The following ADCY9 variants were observed in gnomAD, a reference collection of about 807,000 sequenced individuals.
ADCY9 encodes the protein adenylate cyclase type 9.
A neutral mutation model predicts 101.5 loss-of-function variants in ADCY9; 50 were observed. The observed-to-expected ratio is 0.49, with a 90% CI of 0.39 to 0.62. The LOEUF (loss-of-function observed/expected upper bound fraction) is 0.62. ADCY9 is among the 20% of genes least tolerant of loss of function. The pLI is 0.00. For missense variants in ADCY9, 1,662 were observed against 1,800.4 expected (o/e 0.92, Z 1.39); for synonymous variants, 905 against 769.3 (o/e 1.18, Z -2.92).
chr16:4,089,592 G>C (rs1172376334), intron 2 of ADCY9, among the ~76,000 whole-genome samples: 1 of 151,998 alleles, frequency 6.6e-6, no homozygotes, highest in African/African-American at 2.4e-5. Flanking sequence ...CACAAACCCA[G>C]GAGTGGCATG....
chr16:4,006,899 A>T lies in ADCY9; in HGVS notation c.1884+469T>A, dbSNP rs544079120. 7.2e-5 allele frequency among the ~76,000 whole-genome samples: 11 copies of T among 152,288 alleles called. No individual in the cohort carries two copies. The East Asian group carries it at 2.1e-3, about 29-fold the overall frequency. On this transcript the variant is annotated intron_variant, in intron 3 of 10. Transcript: ENST00000294016. ...TTCTCGGCAGCCTGTCCTCTCAGTG[A>T]GCTGTGTCCTAGGATTCACCCACAC...
In ADCY9 at chr16:4,064,694, G is replaced by C. The variant is rs140942609; in HGVS notation, c.1693+49056C>G. Among the ~76,000 whole-genome samples the C allele has an allele frequency of 1.5e-3, 229 of 151,970 alleles. 1 individual carries two copies. The highest frequency in any genetic ancestry group is 5.2e-3 in the African/African-American group (217 of 41,436). ...GGGTCTCACCATGTTGCCCAGGCTG[G>C]TCTCAAACTCCTGGACTCAAGCAAT... On this transcript the variant is annotated intron_variant, in intron 2 of 10. Coordinates refer to ENST00000294016, the MANE Select transcript of ADCY9 (RefSeq NM_001116.4).
At chr16:4,103,691 G>A (rs541160455) in intron 2 of ADCY9, among the ~76,000 whole-genome samples, 8 of 152,294 alleles carry the variant, frequency 5.3e-5, no homozygotes, top group Admixed American at 3.9e-4. Flanking sequence ...TTAGCCGGGC[G>A]TGGTGGCACA....
At chr16:4,079,542 C>G (rs1040563691) in intron 2 of ADCY9, among the ~76,000 whole-genome samples, 1 of 152,064 alleles carries the variant, frequency 6.6e-6, no homozygotes, top group Non-Finnish European at 1.5e-5. Context: ...GCACTTCAGC[C>G]TGGATGACAG....
intron 2 of ADCY9, among the ~76,000 whole-genome samples, chr16:4,015,860 C>T (rs1033888687): frequency 4.0e-5 from 6 of 151,844 alleles, no homozygotes; most frequent in East Asian, 1.9e-4. Context: ...CCCAGCTACT[C>T]GGGAGGCTAA....
chr16:3,993,758 G>C (rs1176155607), intron 3 of ADCY9, among the ~76,000 whole-genome samples: 2 of 152,174 alleles, frequency 1.3e-5, no homozygotes, highest in African/African-American at 2.4e-5. Flanking sequence ...CTGAACAATG[G>C]ATCAACAAAC....
Position 3,992,118 on chromosome 16 carries a change from G to C in ADCY9, c.2207+28C>G. ...AGAGAGGCTTCTGCCTGCAACCTTT[G>C]CTTTTTCCCAGACAGCCCCAGTCGT... On this transcript the variant is annotated intron_variant, in intron 5 of 10. Transcript: ENST00000294016. This position sits in a 1 kb window ranked among gnomAD's most constrained non-coding sequence, Gnocchi z 4.2. The C allele has an allele frequency of 6.2e-7, 1 of 1,607,286 alleles. No individual in the cohort carries two copies. Among genetic ancestry groups the C allele is most frequent in the Non-Finnish European group, 8.5e-7 (1 of 1,174,594 alleles).
intron 2 of ADCY9, among the ~76,000 whole-genome samples, chr16:4,100,054 G>A (rs1481319959): frequency 6.6e-6 from 1 of 152,148 alleles, no homozygotes; most frequent in East Asian, 1.9e-4. Context: ...GGAGGGACCT[G>A]GTGGGAGGGG....
intron 3 of ADCY9, among the ~76,000 whole-genome samples, chr16:3,996,347 G>A (rs1321922993): frequency 1.3e-5 from 2 of 152,200 alleles, no homozygotes; most frequent in Admixed American, 1.3e-4. Context: ...GGGTGACAGA[G>A]CAAACCCATT....
At chr16:4,025,515 G>A (rs1185299075) in intron 2 of ADCY9, among the ~76,000 whole-genome samples, 4 of 152,230 alleles carry the variant, frequency 2.6e-5, no homozygotes, top group African/African-American at 7.2e-5. Context: ...TTTGGGCGGC[G>A]AAGAGCACAG....
intron 3 of ADCY9, among the ~76,000 whole-genome samples, chr16:4,006,926 A>G (rs2072338): frequency 0.089 from 13,486 of 152,190 alleles, 840 homozygotes; most frequent in East Asian, 0.3. Context: ...CACCCACACC[A>G]ACATCATTTC....
chr16:4,087,875 G>A (rs988710683), intron 2 of ADCY9, among the ~76,000 whole-genome samples: 1 of 141,716 alleles, frequency 7.1e-6, no homozygotes, highest in African/African-American at 2.9e-5. Context: ...CTTTGTTTCT[G>A]TCTCTCTCGC....
intron 2 of ADCY9, among the ~76,000 whole-genome samples, chr16:4,112,647 G>A (rs142796560): frequency 9.4e-4 from 143 of 151,922 alleles, no homozygotes; most frequent in African/African-American, 2.7e-3. Flanking sequence ...CCTTTCCTGA[G>A]GCTTTTAACT....
chr16:4,100,192 G>C (rs557998179), intron 2 of ADCY9, among the ~76,000 whole-genome samples: 47 of 152,140 alleles, frequency 3.1e-4, no homozygotes, highest in African/African-American at 1.0e-3. Context: ...TCTCTCTCCT[G>C]ACACCATTTA....
intron 2 of ADCY9, among the ~76,000 whole-genome samples, chr16:4,025,235 T>A (rs2056506468): frequency 6.6e-6 from 1 of 151,864 alleles, no homozygotes; most frequent in Non-Finnish European, 1.5e-5. Context: ...TAGCCAGGCA[T>A]GGTGGTGTAT....
At chr16:4,052,069 G>A (rs547323187) in intron 2 of ADCY9, among the ~76,000 whole-genome samples, 5 of 152,200 alleles carry the variant, frequency 3.3e-5, no homozygotes, top group East Asian at 1.9e-4. Context: ...CGTTCCTGTC[G>A]TGACAACCCT....
At chr16:3,983,159 C>T in intron 7 of ADCY9, 73 bp downstream of exon 7, 1 of 1,386,026 alleles carries the variant, frequency 7.2e-7, no homozygotes. Flanking sequence ...TCCAACCGCT[C>T]AGCCATAAGC....
At chr16:4,039,326 C>G (rs917559764) in intron 2 of ADCY9, among the ~76,000 whole-genome samples, 10 of 152,260 alleles carry the variant, frequency 6.6e-5, no homozygotes, top group African/African-American at 2.4e-4. Context: ...AGGTGTTCTG[C>G]TACTGTTTTA....
At chr16:4,035,991 T>G (rs2056586390) in intron 2 of ADCY9, among the ~76,000 whole-genome samples, 1 of 69,176 alleles carries the variant, frequency 1.4e-5, no homozygotes, top group Non-Finnish European at 2.5e-5. Flanking sequence ...TGAGTGAAAC[T>G]CCATCTCAAA....
Sources: allele counts gnomAD v4.1 joint callset (sites outside exome capture counted in the v4.1 genomes callset), GRCh38; gene constraint gnomAD v4.1.1; non-coding constraint Gnocchi (gnomAD v3.1); transcripts MANE v1.5; gene names NCBI Gene and HGNC (gene_info 2026-07-23, HGNC 2026-07-21).